SND1: variants seen among roughly 807,000 people sequenced by gnomAD.
The protein encoded by SND1 is staphylococcal nuclease domain-containing protein 1.
A neutral mutation model predicts 121.7 loss-of-function variants in SND1; 38 were observed. The observed-to-expected ratio is 0.31, with a 90% CI of 0.24 to 0.41. The LOEUF is 0.41. Among genes scored for constraint, SND1 ranks in the 10% least tolerant of loss-of-function variants. SND1 has a pLI of 1.00. For missense variants in SND1, 868 were observed against 1,184.6 expected (o/e 0.73, Z 3.92); for synonymous variants, 401 against 447.4 (o/e 0.90, Z 1.31).
At chr7:128,045,950 G>A (rs1459629998) in intron 16 of SND1, among the ~76,000 whole-genome samples, 1 of 152,198 alleles carries the variant, frequency 6.6e-6, no homozygotes, top group Non-Finnish European at 1.5e-5. Flanking sequence ...AAGCATCTCA[G>A]CTGACTTCCT....
At chr7:128,023,555 G>A (rs1215550674) in intron 16 of SND1, among the ~76,000 whole-genome samples, 2 of 152,200 alleles carry the variant, frequency 1.3e-5, no homozygotes, top group African/African-American at 2.4e-5. Context: ...AGTGCCTTGG[G>A]ACAGCTATAG....
At chr7:127,715,185 C>T (rs1053023000) in intron 9 of SND1, among the ~76,000 whole-genome samples, 16 of 150,612 alleles carry the variant, frequency 1.1e-4, no homozygotes, top group East Asian at 1.9e-4. Context: ...TTATAGTGGC[C>T]GCCCTAATAG....
At chr7:127,653,992 G>A (rs1191242302) in intron 1 of SND1, among the ~76,000 whole-genome samples, 1 of 152,158 alleles carries the variant, frequency 6.6e-6, no homozygotes, top group Admixed American at 6.5e-5. Flanking sequence ...CTTCACCATA[G>A]GAACAAAAAC....
At chr7:127,972,835 C>A (rs1236603497) in intron 15 of SND1, among the ~76,000 whole-genome samples, 2 of 152,224 alleles carry the variant, frequency 1.3e-5, no homozygotes, top group Non-Finnish European at 2.9e-5. Context: ...CTGTCTTGGC[C>A]TCCCAAAGTG....
chr7:127,957,607 T>C (rs1563070523), intron 15 of SND1, among the ~76,000 whole-genome samples: 1 of 152,244 alleles, frequency 6.6e-6, no homozygotes, highest in Non-Finnish European at 1.5e-5. Flanking sequence ...CAGTACATAT[T>C]CTGGGTCTTC....
At chr7:127,975,404 TAA>T (rs1802093982) in intron 15 of SND1, among the ~76,000 whole-genome samples, 1 of 139,604 alleles carries the variant, frequency 7.2e-6, no homozygotes, top group Non-Finnish European at 1.5e-5. Flanking sequence ...TGTGTGTGTG[TAA>T]GAGAGATTGA....
At chr7:127,745,714 G>C (rs1399308871) in intron 10 of SND1, among the ~76,000 whole-genome samples, 1 of 152,140 alleles carries the variant, frequency 6.6e-6, no homozygotes, top group Non-Finnish European at 1.5e-5. Flanking sequence ...CTACCACAAA[G>C]TTACTTAAAA....
At chr7:127,758,193 G>A (rs73234899) in intron 10 of SND1, among the ~76,000 whole-genome samples, 49,381 of 151,856 alleles carry the variant, frequency 0.33, 8,865 homozygotes, top group Admixed American at 0.41. Context: ...ATTCATTTAA[G>A]TCATAAAACA....
rs540761127 is a variant in SND1 at position 128,025,123 on chromosome 7, T to C, written c.1779+34067T>C. ...GTAGAGTCCTGATAGTCTAACCCCT[T>C]AGCACATGTGGAGCCCCTGTAGTCA... On this transcript the variant is annotated intron_variant, in intron 16 of 23. Transcript: ENST00000354725. Among the ~76,000 whole-genome samples, 37 of 152,330 alleles carry C rather than the reference T, an allele frequency of 2.4e-4. 1 individual carries two copies. The highest frequency in any genetic ancestry group is 3.4e-3 in the Middle Eastern group (1 of 294).
At chr7:128,042,010 C>G (rs1182192992) in intron 16 of SND1, among the ~76,000 whole-genome samples, 2 of 152,174 alleles carry the variant, frequency 1.3e-5, no homozygotes, top group Non-Finnish European at 2.9e-5. Context: ...CAGCTACCAG[C>G]TGGGGATCTG....
chr7:127,721,338 G>A lies in SND1; in HGVS notation c.1090G>A (p.Asp364Asn), dbSNP rs772712255. ...CATTGTTGTGAAGCTGAACTCAGGCGATTACAAGACGATTCACCTGTCCAG... is the reference window on the plus strand; with the variant it reads ...CATTGTTGTGAAGCTGAACTCAGGCAATTACAAGACGATTCACCTGTCCAG... ...DAIVVKLNSG[D>N]YKTIHLSSIR... is the part of the protein sequence containing the mutation. The change falls in exon 10 of 24, where the codon GAT (aspartate) becomes AAT (asparagine). Residue 364 changes from aspartate to asparagine, a missense_variant. By Grantham distance (23) the Asp-to-Asn change is conservative. This residue lies in a region of SND1 where 743 missense variants were observed against 1,071.3 expected (regional missense o/e 0.69). Coordinates refer to ENST00000354725, the MANE Select transcript of SND1 (RefSeq NM_014390.4). The A allele has an allele frequency of 1.7e-5, 28 of 1,613,560 alleles. No homozygotes were observed. Among genetic ancestry groups the A allele is most frequent in the East Asian group, 4.5e-5 (2 of 44,884 alleles).
intron 21 of SND1, among the ~76,000 whole-genome samples, chr7:128,088,812 C>A (rs774865901): frequency 1.4e-4 from 22 of 151,736 alleles, no homozygotes; most frequent in Admixed American, 4.6e-4. Flanking sequence ...GGACATAGTG[C>A]ACTGGAGCAA....
At chr7:128,087,843 G>C (rs1793710949) in intron 21 of SND1, among the ~76,000 whole-genome samples, 1 of 152,138 alleles carries the variant, frequency 6.6e-6, no homozygotes, top group Non-Finnish European at 1.5e-5. Flanking sequence ...CCAGAAAGGA[G>C]AGAACCCATG....
intron 8 of SND1, 45 bp downstream of exon 8, chr7:127,704,990 G>A (rs1372730703): frequency 6.7e-7 from 1 of 1,494,590 alleles, no homozygotes; most frequent in African/African-American, 1.4e-5. Context: ...TCTTGTTAAG[G>A]ATCTTTAGGG....
intron 10 of SND1, among the ~76,000 whole-genome samples, chr7:127,730,090 TCCCGAGTAG>T (rs1796648438): frequency 6.6e-6 from 1 of 152,216 alleles, no homozygotes; most frequent in African/African-American, 2.4e-5. Flanking sequence ...TGTCTCAGCC[TCCCGAGTAG>T]CTGGGATTAC....
chr7:127,916,872 G>A (rs1182660538), intron 14 of SND1, among the ~76,000 whole-genome samples: 5 of 149,588 alleles, frequency 3.3e-5, no homozygotes. Flanking sequence ...AGCAGAAACT[G>A]TGTCTTATCT....
chr7:127,908,357 T>TGCGC (rs1554441829), intron 14 of SND1, among the ~76,000 whole-genome samples: 4 of 142,356 alleles, frequency 2.8e-5, no homozygotes, highest in African/African-American at 1.1e-4. Context: ...TGTGTGTGTG[T>TGCGC]GTGCGTGCGT....
chr7:127,735,857 C>A (rs1351339722), intron 10 of SND1, among the ~76,000 whole-genome samples: 1 of 152,158 alleles, frequency 6.6e-6, no homozygotes, highest in Non-Finnish European at 1.5e-5. Context: ...AAACTCCTGA[C>A]CTCAGGTGAT....
intron 16 of SND1, among the ~76,000 whole-genome samples, chr7:128,046,145 G>C (rs1441397890): frequency 6.6e-6 from 1 of 152,126 alleles, no homozygotes; most frequent in East Asian, 1.9e-4. Flanking sequence ...CAAACAGGCT[G>C]AAGTGCAGTG....
Sources: gnomAD v4.1 joint callset for allele counts (sites outside exome capture counted in the v4.1 genomes callset) on GRCh38, gnomAD v4.1.1 for gene constraint, gnomAD v4.1.1 regional missense constraint, MANE v1.5 for transcripts, NCBI Gene and HGNC (gene_info 2026-07-23, HGNC 2026-07-21) for gene names.